Variants in CDH18 observed in about 807,000 individuals in gnomAD.
The protein encoded by CDH18 is cadherin-18.
A neutral mutation model predicts 67.9 loss-of-function variants in CDH18; 31 were observed. That is an observed-to-expected ratio of 0.46 (90% CI 0.34 to 0.62). CDH18 has a LOEUF of 0.62. Ranked by LOEUF, CDH18 falls within the 20% of genes least tolerant of loss-of-function variation. CDH18 has a pLI of 0.01. For synonymous variants in CDH18, 362 were observed against 347.2 expected (o/e 1.04, Z -0.48); for missense variants, 890 against 975.5 (o/e 0.91, Z 1.17).
In CDH18 at chr5:20,448,809, T is replaced by C. The variant is rs145085403; in HGVS notation, c.-580+126653A>G. 1.4e-4 allele frequency among the ~76,000 whole-genome samples: 21 copies of C among 152,234 alleles called. No homozygotes were observed. In the East Asian group the frequency reaches 4.1e-3, roughly 29 times the overall value. ...GTAAACTTATGAAAAGTTTTTGTTT[T>C]CCGATTAACCAAAACAATGACCAAA... On this transcript the variant is annotated intron_variant, in intron 1 of 14. Transcript: ENST00000507958.
chr5:19,939,454 T>C (rs1267068744), intron 2 of CDH18, among the ~76,000 whole-genome samples: 2 of 151,756 alleles, frequency 1.3e-5, no homozygotes, highest in Non-Finnish European at 3.0e-5. Context: ...TTTGAAATTA[T>C]AATCCAGGTT....
chr5:19,518,870 C>T (rs1245356112), intron 10 of CDH18, among the ~76,000 whole-genome samples: 1 of 152,142 alleles, frequency 6.6e-6, no homozygotes, highest in African/African-American at 2.4e-5. Context: ...TACTTCTATC[C>T]TATTAGTTCT....
chr5:19,832,867 GT>G (rs1204161929), intron 3 of CDH18, among the ~76,000 whole-genome samples: 1 of 151,966 alleles, frequency 6.6e-6, no homozygotes, highest in Non-Finnish European at 1.5e-5. Flanking sequence ...TGAGGTCTCT[GT>G]TCTGCTCCGT....
chr5:19,693,724 C>G (rs1412116954), intron 5 of CDH18, among the ~76,000 whole-genome samples: 1 of 152,036 alleles, frequency 6.6e-6, no homozygotes, highest in African/African-American at 2.4e-5. Context: ...TGGTGGAACT[C>G]TGTCTCTACT....
chr5:20,492,836 C>CA (rs1238619297), intron 1 of CDH18, among the ~76,000 whole-genome samples: 2 of 152,138 alleles, frequency 1.3e-5, no homozygotes, highest in Non-Finnish European at 2.9e-5. Flanking sequence ...ATAACACACA[C>CA]ATGCCTTGAT....
At chr5:20,369,503 C>T in intron 1 of CDH18, among the ~76,000 whole-genome samples, 1 of 152,168 alleles carries the variant, frequency 6.6e-6, no homozygotes, top group East Asian at 1.9e-4. Flanking sequence ...CCAGCTTTTT[C>T]ATTTATTTCA....
intron 2 of CDH18, among the ~76,000 whole-genome samples, chr5:19,840,423 C>T (rs923775263): frequency 3.3e-5 from 5 of 151,882 alleles, no homozygotes; most frequent in Non-Finnish European, 7.4e-5. Flanking sequence ...GAAATTTGGG[C>T]TGGGTGCAGT....
At chr5:20,150,747 A>G (rs1260823356) in intron 2 of CDH18, among the ~76,000 whole-genome samples, 3 of 152,054 alleles carry the variant, frequency 2.0e-5, no homozygotes, top group Non-Finnish European at 4.4e-5. Flanking sequence ...ATGTTTTTCT[A>G]TGGAGACTCT....
chr5:19,547,397 C>A (rs938909649), intron 8 of CDH18, among the ~76,000 whole-genome samples: 3 of 152,166 alleles, frequency 2.0e-5, no homozygotes, highest in Admixed American at 6.6e-5. Context: ...CCTGCAGCAA[C>A]TATCAGAAAA....
At chr5:20,181,199 T>C (rs1270216632) in intron 2 of CDH18, among the ~76,000 whole-genome samples, 2 of 151,996 alleles carry the variant, frequency 1.3e-5, no homozygotes, top group Non-Finnish European at 2.9e-5. Context: ...ATTCATACAT[T>C]TCAGTTGCTC....
At chr5:19,492,667 G>T (rs1041204554) in intron 11 of CDH18, among the ~76,000 whole-genome samples, 1 of 151,868 alleles carries the variant, frequency 6.6e-6, no homozygotes, top group Non-Finnish European at 1.5e-5. Context: ...ATAAAGTTAT[G>T]TTATTACCAA....
intron 2 of CDH18, among the ~76,000 whole-genome samples, chr5:20,022,145 A>C (rs1738481920): frequency 6.6e-6 from 1 of 152,292 alleles, no homozygotes; most frequent in Non-Finnish European, 1.5e-5. Flanking sequence ...TTACCTTTTT[A>C]TAACTTTAAA....
At chr5:19,757,750 C>T (rs1327272939) in intron 3 of CDH18, among the ~76,000 whole-genome samples, 1 of 152,202 alleles carries the variant, frequency 6.6e-6, no homozygotes, top group Admixed American at 6.5e-5. Flanking sequence ...AAGTCCCTGG[C>T]CATCCAGACA....
chr5:20,328,704 C>G (rs10052030), intron 1 of CDH18, among the ~76,000 whole-genome samples: 16,518 of 152,070 alleles, frequency 0.11, 1,470 homozygotes, highest in East Asian at 0.36. Context: ...CTTTTTGATT[C>G]CCATACCGGG....
At chr5:20,226,175 C>T (rs957252609) in intron 2 of CDH18, among the ~76,000 whole-genome samples, 1 of 152,038 alleles carries the variant, frequency 6.6e-6, no homozygotes, top group African/African-American at 2.4e-5. Context: ...CTTGTACATA[C>T]ACATAAACAC....
At chr5:20,277,162 C>T (rs1056742912) in intron 1 of CDH18, among the ~76,000 whole-genome samples, 2 of 152,100 alleles carry the variant, frequency 1.3e-5, no homozygotes, top group African/African-American at 2.4e-5. Flanking sequence ...TGAACACAGG[C>T]GGTAGCCAGG....
chr5:19,980,421 T>A (rs1379267042), intron 2 of CDH18, among the ~76,000 whole-genome samples: 1 of 152,154 alleles, frequency 6.6e-6, no homozygotes, highest in East Asian at 1.9e-4. Context: ...GGAAATACAC[T>A]CTTTATACCT....
chr5:20,078,233 A>G lies in CDH18; in HGVS notation c.-517-86219T>C, dbSNP rs541588616. 3.3e-5 allele frequency among the ~76,000 whole-genome samples: 5 copies of G among 152,242 alleles called. No homozygotes were observed. The East Asian group carries it at 7.8e-4, about 24-fold the overall frequency. On this transcript the variant is annotated intron_variant, in intron 2 of 14. Coordinates refer to the CDH18 transcript ENST00000507958. ...TCCCAGCACTTTGGGAGGCCGAGGC[A>G]GGCAGATTGCCTGAGGTCAGGAGTT...
intron 11 of CDH18, among the ~76,000 whole-genome samples, chr5:19,496,200 T>C (rs347722): frequency 0.21 from 32,233 of 152,066 alleles, 3,700 homozygotes; most frequent in African/African-American, 0.27. Context: ...GAGGGTCATC[T>C]TCTAAAAACA....
Sources: allele counts gnomAD v4.1 joint callset (sites outside exome capture counted in the v4.1 genomes callset), GRCh38; gene constraint gnomAD v4.1.1; transcripts MANE v1.5; gene names NCBI Gene and HGNC (gene_info 2026-07-23, HGNC 2026-07-21).